The following TMPRSS11A variants were observed in gnomAD, a reference collection of about 807,000 sequenced individuals.
TMPRSS11A encodes transmembrane protease serine 11A.
A neutral mutation model predicts 58.9 loss-of-function variants in TMPRSS11A; 53 were observed. That is an observed-to-expected ratio of 0.90 (90% CI 0.72 to 1.13). TMPRSS11A has a LOEUF of 1.13. Ranked by LOEUF, TMPRSS11A falls within the 50% of genes most tolerant of loss-of-function variation. TMPRSS11A has a pLI of 0.00. For synonymous variants in TMPRSS11A, 167 were observed against 169.8 expected (o/e 0.98, Z 0.13); for missense variants, 493 against 499.3 (o/e 0.99, Z 0.12).
At chr4:67,933,046 C>T (rs1263274951) in intron 3 of TMPRSS11A, among the ~76,000 whole-genome samples, 2 of 151,718 alleles carry the variant, frequency 1.3e-5, no homozygotes, top group East Asian at 1.9e-4. Flanking sequence ...ACCAAATGTG[C>T]GCACAAAATA....
Position 67,914,784 on chromosome 4 carries a change from G to A in TMPRSS11A, c.953-54C>T, listed in dbSNP as rs1577849970. ...TTTACAATCAGCATCTTTGGCTAGA[G>A]TGAAGTGAGCAGACTTTCCTAATAT... is the stretch of plus-strand genomic sequence containing the variant. On this transcript the variant is annotated intron_variant, in intron 8 of 9. Coordinates refer to ENST00000508048, the MANE Select transcript of TMPRSS11A (RefSeq NM_001114387.2). 16 of 1,480,718 alleles carry A rather than the reference G, an allele frequency of 1.1e-5. No homozygotes were observed. The East Asian group carries it at 3.7e-4, about 34-fold the overall frequency. 91.7% of individuals were successfully genotyped at this position (1,480,718 alleles called of 1,614,324 possible). A position where few individuals can be genotyped will look rare whatever the true frequency, so the allele number is the denominator to read the frequency against.
At chr4:67,915,092 T>C (rs1305900868) in intron 8 of TMPRSS11A, among the ~76,000 whole-genome samples, 1 of 152,152 alleles carries the variant, frequency 6.6e-6, no homozygotes, top group Non-Finnish European at 1.5e-5. Context: ...TAGATGGTTT[T>C]CTCCATTGGC....
intron 1 of TMPRSS11A, among the ~76,000 whole-genome samples, chr4:67,951,353 C>A (rs1432584132): frequency 6.6e-6 from 1 of 152,172 alleles, no homozygotes; most frequent in Non-Finnish European, 1.5e-5. Flanking sequence ...TGTTAATGAT[C>A]AGAGCTGAGA....
intron 1 of TMPRSS11A, among the ~76,000 whole-genome samples, chr4:67,960,881 A>T (rs763707403): frequency 6.6e-6 from 1 of 152,238 alleles, no homozygotes; most frequent in Non-Finnish European, 1.5e-5. Flanking sequence ...GAAAATAAAG[A>T]GCTATGGGAA....
rs1033995507 is a variant in TMPRSS11A at position 67,910,212 on chromosome 4, A to C, written c.*1130T>G. On this transcript the variant is annotated 3_prime_UTR_variant, in exon 10 of 10. Coordinates refer to ENST00000508048, the MANE Select transcript of TMPRSS11A (RefSeq NM_001114387.2). ...GGACCACATATAACAAAGTGGTCCA[A>C]AAGAGAAAACATACTATATGTTATA... 2.6e-5 allele frequency: 4 copies of C among 152,058 alleles called. No homozygotes were observed. Among genetic ancestry groups the C allele is most frequent in the Admixed American group, 6.5e-5 (1 of 15,270 alleles). The allele number at this position is 152,058 out of a possible 1,614,324, so 9.4% of individuals were successfully genotyped here. A position where few individuals can be genotyped will look rare whatever the true frequency, so the allele number is the denominator to read the frequency against.
At chr4:67,919,929 A>C (rs1267136745) in intron 7 of TMPRSS11A, among the ~76,000 whole-genome samples, 2 of 152,174 alleles carry the variant, frequency 1.3e-5, no homozygotes, top group Non-Finnish European at 2.9e-5. Context: ...TAAAGTGCTT[A>C]AATTTTATTG....
intron 7 of TMPRSS11A, among the ~76,000 whole-genome samples, chr4:67,921,888 A>G (rs1720340596): frequency 1.3e-5 from 2 of 152,206 alleles, no homozygotes; most frequent in Non-Finnish European, 2.9e-5. Context: ...TTGGCAATGA[A>G]GAAGAAAGGC....
chr4:67,922,818 T>C lies in TMPRSS11A; in HGVS notation c.629A>G (p.His210Arg), dbSNP rs371656683. The change falls in exon 7 of 10, where the codon CAT becomes CGT. Residue 210 changes from histidine to arginine, a missense_variant. Physicochemically the swap from His to Arg is conservative, Grantham distance 29 (BLOSUM62 0). Coordinates refer to ENST00000508048, the MANE Select transcript of TMPRSS11A (RefSeq NM_001114387.2). ...WQASLQYDNI[H>R]QCGATLISNT... is the part of the protein sequence containing the mutation. Reference sequence around the variant, plus strand: ...ACTAATCAAGGTGGCCCCACACTGATGGATGTTATCATACTGAAGGGAAGC... The same window carrying C: ...ACTAATCAAGGTGGCCCCACACTGACGGATGTTATCATACTGAAGGGAAGC... 1.2e-5 allele frequency: 19 copies of C among 1,614,024 alleles called. No individual in the cohort carries two copies. Among genetic ancestry groups the C allele is most frequent in the Non-Finnish European group, 1.6e-5 (19 of 1,180,032 alleles).
At chr4:67,955,474 G>A (rs1239483370) in intron 1 of TMPRSS11A, among the ~76,000 whole-genome samples, 1 of 152,206 alleles carries the variant, frequency 6.6e-6, no homozygotes, top group African/African-American at 2.4e-5. Context: ...ATGCTGAAAT[G>A]ATATGCCTGC....
intron 5 of TMPRSS11A, among the ~76,000 whole-genome samples, chr4:67,924,484 C>A (rs879804638): frequency 1.3e-5 from 2 of 152,206 alleles, no homozygotes; most frequent in Non-Finnish European, 2.9e-5. Context: ...AGCTTCTTTG[C>A]ATTCCACTTC....
intron 1 of TMPRSS11A, 147 bp from the exon 2 acceptor site, chr4:67,946,718 A>C: frequency 1.6e-6 from 1 of 640,408 alleles, no homozygotes; most frequent in Non-Finnish European, 2.3e-6. Flanking sequence ...TGGTCTGAGA[A>C]GATGTGTTAA....
intron 1 of TMPRSS11A, among the ~76,000 whole-genome samples, chr4:67,953,681 C>T (rs1221226702): frequency 6.6e-6 from 1 of 152,080 alleles, no homozygotes; most frequent in Admixed American, 6.5e-5. Flanking sequence ...GCCTGTAATC[C>T]CAGCTACTGG....
chr4:67,930,061 G>T, intron 4 of TMPRSS11A, 21 bp from the exon 5 acceptor site: 2 of 1,592,768 alleles, frequency 1.3e-6, no homozygotes, highest in African/African-American at 1.3e-5. Flanking sequence ...CAAAAGAAAG[G>T]TACATTTTCA....
chr4:67,952,042 A>G (rs1385588993), intron 1 of TMPRSS11A, among the ~76,000 whole-genome samples: 1 of 152,214 alleles, frequency 6.6e-6, no homozygotes, highest in African/African-American at 2.4e-5. Flanking sequence ...TGGGTATGCT[A>G]TGACTCTTTT....
chr4:67,959,843 C>T (rs1305909919), intron 1 of TMPRSS11A, among the ~76,000 whole-genome samples: 1 of 152,168 alleles, frequency 6.6e-6, no homozygotes, highest in Non-Finnish European at 1.5e-5. Flanking sequence ...AAAAATAAAT[C>T]ATTATACCAA....
Position 67,910,135 on chromosome 4 carries a change from T to C in TMPRSS11A, c.*1207A>G, listed in dbSNP as rs1262326501. On this transcript the variant is annotated 3_prime_UTR_variant, in exon 10 of 10. Coordinates refer to ENST00000508048, the MANE Select transcript of TMPRSS11A (RefSeq NM_001114387.2). ...GTATTACGAAATACATGAGCCTTAC[T>C]CTCCTAATGACTTCAGGAGACACGT... The C allele has an allele frequency of 2.6e-4, 40 of 151,984 alleles. 1 individual carries two copies. Among genetic ancestry groups the C allele is most frequent in the Non-Finnish European group, 4.4e-5 (3 of 67,908 alleles). 9.4% of individuals were successfully genotyped at this position (151,984 alleles called of 1,614,324 possible). A position where few individuals can be genotyped will look rare whatever the true frequency, so the allele number is the denominator to read the frequency against.
At chr4:67,935,960 T>C (rs1264284490) in intron 3 of TMPRSS11A, among the ~76,000 whole-genome samples, 1 of 152,106 alleles carries the variant, frequency 6.6e-6, no homozygotes, top group African/African-American at 2.4e-5. Flanking sequence ...CAAGCACAGA[T>C]GTCATTGTGT....
rs137999845 is a variant in TMPRSS11A, at chr4:67,918,825, T to C, written c.952+148A>G. 1.6e-3 allele frequency: 1,545 copies of C among 944,492 alleles called. 12 individuals carry two copies. Among genetic ancestry groups the C allele is most frequent in the African/African-American group, 0.015 (895 of 60,854 alleles). The allele number at this position is 944,492 out of a possible 1,614,324, so 58.5% of individuals were successfully genotyped here. On this transcript the variant is annotated intron_variant, in intron 8 of 9. Coordinates refer to ENST00000508048, the MANE Select transcript of TMPRSS11A (RefSeq NM_001114387.2). ...GTTTTTTATTCTGCACTGGTTAATG[T>C]GAATTGAATTTCTGTCACACAAAGT...
At chr4:67,924,059 A>G (rs1720400315) in intron 6 of TMPRSS11A, 69 bp downstream of exon 6, 3 of 1,285,234 alleles carry the variant, frequency 2.3e-6, no homozygotes, top group Non-Finnish European at 3.4e-6. Context: ...GGCAAGTATG[A>G]GCAAATATTT....
Sources: allele counts gnomAD v4.1 joint callset (sites outside exome capture counted in the v4.1 genomes callset), GRCh38; gene constraint gnomAD v4.1.1; transcripts MANE v1.5; gene names NCBI Gene and HGNC (gene_info 2026-07-23, HGNC 2026-07-21).